CADPS: variants seen among roughly 807,000 people sequenced by gnomAD.
CADPS encodes calcium dependent secretion activator, also known as calcium-dependent secretion activator 1.
In CADPS, 57 loss-of-function variants were observed where a neutral mutation model predicts 167.3. The ratio of observed to expected loss-of-function variants is 0.34; its 90% CI spans 0.28 to 0.42. The LOEUF (loss-of-function observed/expected upper bound fraction) is 0.42. CADPS is among the 20% of genes least tolerant of loss of function. The pLI is 1.00. For synonymous variants in CADPS, 676 were observed against 635.3 expected, an observed-to-expected ratio of 1.06 and a Z score of -0.96; for missense variants, 1,414 against 1,738.1, an observed-to-expected ratio of 0.81 and a Z score of 3.32.
chr3:62,730,548 C>G (rs2077570125), intron 3 of CADPS, among the ~76,000 whole-genome samples: 1 of 152,126 alleles, frequency 6.6e-6, no homozygotes, highest in South Asian at 2.1e-4. Context: ...TCTTACTAAG[C>G]TTCTAAGCTT....
rs1553689829 is a variant in CADPS at position 62,794,794 on chromosome 3, A to AAAAAAAG, written c.442-28811_442-28810insCTTTTTT. Among the ~76,000 whole-genome samples, 70 of 129,398 alleles carry AAAAAAAG rather than the reference A, an allele frequency of 5.4e-4. No individual in the cohort carries two copies. The South Asian group carries it at 9.8e-3, about 18-fold the overall frequency. 84.9% of individuals were successfully genotyped at this position (129,398 alleles called of 152,430 possible). ...GCAAGGTGGTAAAAAAAAAAAAAAA[A>AAAAAAAG]AAAAAAAAATGCAAGAGCTCTTCCT... On this transcript the variant is annotated intron_variant, in intron 1 of 29. Coordinates refer to ENST00000383710, the MANE Select transcript of CADPS (RefSeq NM_003716.4).
chr3:62,587,566 G>A (rs1303223398), intron 7 of CADPS, among the ~76,000 whole-genome samples: 1 of 152,212 alleles, frequency 6.6e-6, no homozygotes, highest in African/African-American at 2.4e-5. Flanking sequence ...CAGAACCGCG[G>A]TAAGTAAGAA....
rs1340675950 is a variant in CADPS, at chr3:62,420,334, G to C, written c.3778-17149C>G. The stretch of plus-strand genomic sequence containing the variant: ...AATTCAATGAACATGAGCTCTTTGG[G>C]GAATGATTTCTCATAAGGGAAGAAC... On this transcript the variant is annotated intron_variant, in intron 28 of 29. Coordinates refer to ENST00000383710, the MANE Select transcript of CADPS (RefSeq NM_003716.4). This position sits in a 1 kb window ranked among gnomAD's most constrained non-coding sequence, Gnocchi z 4.1. Among the ~76,000 whole-genome samples the C allele has an allele frequency of 6.6e-6, 1 of 152,190 alleles. No homozygotes were observed. Among genetic ancestry groups the C allele is most frequent in the Non-Finnish European group, 1.5e-5 (1 of 68,046 alleles).
chr3:62,773,336 T>A (rs76275742), intron 1 of CADPS, among the ~76,000 whole-genome samples: 3 of 152,158 alleles, frequency 2.0e-5, no homozygotes, highest in Non-Finnish European at 2.9e-5. Context: ...TGTATATTTA[T>A]GTAACATACT....
chr3:62,831,116 G>A (rs932844010), intron 1 of CADPS, among the ~76,000 whole-genome samples: 4 of 152,042 alleles, frequency 2.6e-5, no homozygotes, highest in African/African-American at 9.7e-5. Flanking sequence ...TAAAGTCCTG[G>A]GAAGTCTTAA....
chr3:62,573,568 T>C (rs898617425), intron 8 of CADPS, among the ~76,000 whole-genome samples: 2 of 152,320 alleles, frequency 1.3e-5, no homozygotes, highest in East Asian at 1.9e-4. Context: ...CTTCTGCCCA[T>C]TGTATTATCT....
At chr3:62,725,647 C>G (rs2076605876) in intron 3 of CADPS, among the ~76,000 whole-genome samples, 1 of 149,730 alleles carries the variant, frequency 6.7e-6, no homozygotes, top group Non-Finnish European at 1.5e-5. Flanking sequence ...TGCTGGTATA[C>G]AGGAAACACC....
chr3:62,777,560 T>C (rs1449252644), intron 1 of CADPS, among the ~76,000 whole-genome samples: 1 of 152,208 alleles, frequency 6.6e-6, no homozygotes, highest in African/African-American at 2.4e-5. Flanking sequence ...AATAATAATG[T>C]ATCTGTATTG....
chr3:62,679,149 G>A (rs1233175355), intron 3 of CADPS, among the ~76,000 whole-genome samples: 1 of 152,026 alleles, frequency 6.6e-6, no homozygotes, highest in Non-Finnish European at 1.5e-5. Flanking sequence ...TTTGCAGCCA[G>A]CTGGTTGACC....
intron 4 of CADPS, among the ~76,000 whole-genome samples, chr3:62,661,958 T>C (rs1181316762): frequency 6.6e-6 from 1 of 152,100 alleles, no homozygotes; most frequent in Admixed American, 6.5e-5. Flanking sequence ...AATATAGTTA[T>C]GTGTGTGGGG....
chr3:62,724,090 AG>A (rs2076310425), intron 3 of CADPS, among the ~76,000 whole-genome samples: 1 of 152,224 alleles, frequency 6.6e-6, no homozygotes, highest in Non-Finnish European at 1.5e-5. Context: ...ATCTGCACTC[AG>A]GAAGAATGCT....
intron 1 of CADPS, among the ~76,000 whole-genome samples, chr3:62,824,579 C>T (rs1262371524): frequency 6.6e-6 from 1 of 152,210 alleles, no homozygotes; most frequent in East Asian, 1.9e-4. Flanking sequence ...TGGGGATCCA[C>T]CCTTACAAAA....
intron 23 of CADPS, among the ~76,000 whole-genome samples, 160 bp from the exon 24 acceptor site, chr3:62,474,480 T>G (rs556159683): frequency 2.0e-5 from 3 of 152,270 alleles, no homozygotes; most frequent in African/African-American, 7.2e-5. Flanking sequence ...CTTTCCCAAC[T>G]AAGGAAGGCC....
chr3:62,718,582 G>T (rs2886937), intron 3 of CADPS, among the ~76,000 whole-genome samples: 83,305 of 152,058 alleles, frequency 0.55, 23,184 homozygotes, highest in East Asian at 0.74. Context: ...CTATTGCTCA[G>T]TTATTCTCAT....
At chr3:62,647,503 T>C (rs776188055) in intron 5 of CADPS, among the ~76,000 whole-genome samples, 1 of 152,154 alleles carries the variant, frequency 6.6e-6, no homozygotes, top group Non-Finnish European at 1.5e-5. Context: ...AAAACCATTG[T>C]ACTACTCGCG....
intron 2 of CADPS, among the ~76,000 whole-genome samples, chr3:62,764,941 T>C (rs2086470013): frequency 6.6e-6 from 1 of 152,228 alleles, no homozygotes; most frequent in South Asian, 2.1e-4. Context: ...TAGCAGCATA[T>C]CATAAGCTTT....
intron 1 of CADPS, among the ~76,000 whole-genome samples, chr3:62,773,131 C>CT (rs768301720): frequency 1.3e-4 from 19 of 151,464 alleles, no homozygotes; most frequent in Non-Finnish European, 7.4e-5. Context: ...TATTTAATTT[C>CT]TTTTTTTTGA....
rs139787346 is a variant in CADPS, at chr3:62,550,816, A to T, written c.1754-701T>A. Reference sequence around the variant, plus strand: ...CATTGCTGAATCCAATGACTGATTAAAAGCCCTCATTTTATTGGGCCCACC... The same window carrying T: ...CATTGCTGAATCCAATGACTGATTATAAGCCCTCATTTTATTGGGCCCACC... On this transcript the variant is annotated intron_variant, in intron 10 of 29. Transcript: ENST00000383710. The T allele has an allele frequency of 2.8e-4, 129 of 456,686 alleles. No homozygotes were observed. In the East Asian group the frequency reaches 8.7e-3, roughly 31 times the overall value. 28.3% of individuals were successfully genotyped at this position (456,686 alleles called of 1,614,324 possible).
At chr3:62,716,961 C>T (rs573953786) in intron 3 of CADPS, among the ~76,000 whole-genome samples, 16 of 152,062 alleles carry the variant, frequency 1.1e-4, no homozygotes, top group Non-Finnish European at 2.2e-4. Flanking sequence ...GTGAAGCTCA[C>T]GATGTAGACC....
Sources: gnomAD v4.1 joint callset for allele counts (sites outside exome capture counted in the v4.1 genomes callset) on GRCh38, gnomAD v4.1.1 for gene constraint, Gnocchi (gnomAD v3.1) non-coding constraint, MANE v1.5 for transcripts, NCBI Gene and HGNC (gene_info 2026-07-23, HGNC 2026-07-21) for gene names.